Variants in PRKN observed in about 807,000 individuals in gnomAD.
The protein encoded by PRKN is E3 ubiquitin-protein ligase parkin.
In PRKN, 56 loss-of-function variants were observed where a neutral mutation model predicts 59.5. The ratio of observed to expected loss-of-function variants is 0.94; its 90% confidence interval spans 0.76 to 1.18. The LOEUF (loss-of-function observed/expected upper bound fraction) is 1.18. Ranked by LOEUF, PRKN falls within the 50% of genes most tolerant of loss-of-function variation. The probability of loss-of-function intolerance (pLI) is 0.00; values close to 1 mark genes in which losing one functional copy is unlikely to be tolerated. For synonymous variants in PRKN, 250 were observed against 222.1 expected, an observed-to-expected ratio of 1.13 and a Z score of -1.12; for missense variants, 657 against 596.4, an observed-to-expected ratio of 1.10 and a Z score of -1.06.
chr6:162,707,981 C>A (rs1438138985), intron 1 of PRKN, among the ~76,000 whole-genome samples: 2 of 152,174 alleles, frequency 1.3e-5, no homozygotes, highest in African/African-American at 4.8e-5. Context: ...TCCCAAAGTG[C>A]TGGGATTACA....
intron 1 of PRKN, among the ~76,000 whole-genome samples, chr6:162,553,645 AG>A (rs1779421891): frequency 6.6e-6 from 1 of 151,732 alleles, no homozygotes; most frequent in Non-Finnish European, 1.5e-5. Flanking sequence ...TGCAATAAAA[AG>A]CGTGTGGGTA....
At chr6:161,955,452 A>G (rs1780136008) in intron 6 of PRKN, among the ~76,000 whole-genome samples, 1 of 152,244 alleles carries the variant, frequency 6.6e-6, no homozygotes, top group Non-Finnish European at 1.5e-5. Context: ...ATTTTACATT[A>G]TCATAATTAT....
At chr6:162,066,054 A>G (rs1400361827) in intron 4 of PRKN, among the ~76,000 whole-genome samples, 1 of 152,202 alleles carries the variant, frequency 6.6e-6, no homozygotes, top group Non-Finnish European at 1.5e-5. Flanking sequence ...TCTTGATAGT[A>G]GCATGATTTA....
At chr6:161,358,747 T>C (rs1222641614) in intron 11 of PRKN, among the ~76,000 whole-genome samples, 2 of 150,738 alleles carry the variant, frequency 1.3e-5, no homozygotes, top group Non-Finnish European at 2.9e-5. Context: ...TGGTGGAGAC[T>C]AGAGAAGCTC....
chr6:162,248,861 T>C (rs1395419478), intron 3 of PRKN, among the ~76,000 whole-genome samples: 2 of 152,072 alleles, frequency 1.3e-5, no homozygotes, highest in African/African-American at 2.4e-5. Flanking sequence ...TTGGATATAA[T>C]AGACTATTGC....
At chr6:161,856,144 G>A (rs1348448846) in intron 6 of PRKN, among the ~76,000 whole-genome samples, 9 of 152,130 alleles carry the variant, frequency 5.9e-5, no homozygotes, top group African/African-American at 2.2e-4. Flanking sequence ...CAGATCACCT[G>A]AGGTCAGGAG....
intron 6 of PRKN, among the ~76,000 whole-genome samples, chr6:161,891,404 C>G (rs1562369270): frequency 6.6e-6 from 1 of 152,176 alleles, no homozygotes; most frequent in African/African-American, 2.4e-5. Flanking sequence ...CCAGTGAGTT[C>G]TGCTAGTTTC....
chr6:161,611,149 T>C (rs1782475340), intron 7 of PRKN, among the ~76,000 whole-genome samples: 1 of 152,154 alleles, frequency 6.6e-6, no homozygotes, highest in Non-Finnish European at 1.5e-5. Flanking sequence ...ATAAAATCTA[T>C]TAATTAGGGC....
intron 1 of PRKN, among the ~76,000 whole-genome samples, chr6:162,598,135 T>A (rs974062011): frequency 2.6e-5 from 4 of 152,176 alleles, no homozygotes. Flanking sequence ...TATTTGTGCA[T>A]CAGCATTTTC....
At chr6:162,467,650 CAG>C (rs1264038739) in intron 1 of PRKN, among the ~76,000 whole-genome samples, 1 of 152,122 alleles carries the variant, frequency 6.6e-6, no homozygotes, top group Non-Finnish European at 1.5e-5. Flanking sequence ...CAAAGGCAGT[CAG>C]AGGAATCCCT....
At chr6:161,427,099 G>C (rs1302064736) in intron 9 of PRKN, among the ~76,000 whole-genome samples, 1 of 151,840 alleles carries the variant, frequency 6.6e-6, no homozygotes, top group Admixed American at 6.6e-5. Context: ...GCTCACTGCA[G>C]CCTCCACCTC....
intron 4 of PRKN, among the ~76,000 whole-genome samples, chr6:162,118,896 C>T (rs1011645249): frequency 2.0e-5 from 3 of 152,256 alleles, no homozygotes; most frequent in Middle Eastern, 3.4e-3. Context: ...CATAGACTTG[C>T]GTTTCTAATT....
intron 4 of PRKN, among the ~76,000 whole-genome samples, chr6:162,193,921 C>T (rs1784390778): frequency 1.3e-5 from 2 of 152,106 alleles, no homozygotes; most frequent in African/African-American, 2.4e-5. Context: ...GAGGTGTTCA[C>T]CTATAACCTG....
chr6:162,328,892 T>C lies in PRKN; in HGVS notation c.172-66127A>G, dbSNP rs192292001. ...AGGTGGTGCTAGGGCCCCTGCTACA[T>C]GGCTGGAGTTTCTCTTCTTCTCTAG... On this transcript the variant is annotated intron_variant, in intron 2 of 11. Transcript: ENST00000366898. Among the ~76,000 whole-genome samples the C allele has an allele frequency of 4.4e-3, 671 of 152,290 alleles. 8 individuals carry two copies. Among genetic ancestry groups the C allele is most frequent in the Non-Finnish European group, 5.9e-3 (404 of 68,020 alleles).
In PRKN at chr6:161,625,051, G is replaced by A. The variant is rs1783034835; in HGVS notation, c.872-55635C>T. ...CTTATTTAGAAATGTCTTTTTCCAG[G>A]AAAAGTCCTATGCCCTTTTTAAAGT... On this transcript the variant is annotated intron_variant, in intron 7 of 11. Coordinates refer to ENST00000366898, the MANE Select transcript of PRKN (RefSeq NM_004562.3). Among the ~76,000 whole-genome samples, 2 of 152,100 alleles carry A rather than the reference G, an allele frequency of 1.3e-5. 1 individual carries two copies. Among genetic ancestry groups the A allele is most frequent in the South Asian group, 4.1e-4 (2 of 4,832 alleles).
chr6:162,028,596 A>G (rs564141765), intron 5 of PRKN, among the ~76,000 whole-genome samples: 1 of 152,322 alleles, frequency 6.6e-6, no homozygotes, highest in East Asian at 1.9e-4. Flanking sequence ...AGAGACTCTG[A>G]GGAGCTACGG....
chr6:161,601,126 C>CATCT (rs1425285943), intron 7 of PRKN, among the ~76,000 whole-genome samples: 1 of 152,152 alleles, frequency 6.6e-6, no homozygotes, highest in East Asian at 1.9e-4. Flanking sequence ...AAGAATTTAC[C>CATCT]ATTTGACTTC....
chr6:162,361,350 AGATGAGGTCACGAG>A (rs1263000719), intron 2 of PRKN, among the ~76,000 whole-genome samples: 3 of 152,148 alleles, frequency 2.0e-5, no homozygotes, highest in African/African-American at 7.2e-5. Context: ...GATTAGGGTT[AGATGAGGTCACGAG>A]GATGAGGTCA....
At chr6:162,054,459 A>G (rs1473791564) in intron 4 of PRKN, among the ~76,000 whole-genome samples, 1 of 152,164 alleles carries the variant, frequency 6.6e-6, no homozygotes, top group Non-Finnish European at 1.5e-5. Context: ...AATGCACCTT[A>G]CTAGAAAGGC....
Sources: allele counts gnomAD v4.1 joint callset (sites outside exome capture counted in the v4.1 genomes callset), GRCh38; gene constraint gnomAD v4.1.1; transcripts MANE v1.5; gene names NCBI Gene and HGNC (gene_info 2026-07-23, HGNC 2026-07-21).